Variants in CNOT7 observed in about 807,000 individuals in gnomAD.
CNOT7 encodes CCR4-NOT transcription complex subunit 7, also known as BTG1-binding factor 1.
CNOT7 carries 4 observed loss-of-function variants against 37.1 expected under a neutral mutation model. The ratio of observed to expected loss-of-function variants is 0.11; its 90% CI spans 0.05 to 0.25. The LOEUF (loss-of-function observed/expected upper bound fraction) is 0.25. Among genes scored for constraint, CNOT7 ranks in the 10% least tolerant of loss-of-function variants. The probability of loss-of-function intolerance (pLI) is 1.00; values close to 1 mark genes in which losing one functional copy is unlikely to be tolerated. For missense variants in CNOT7, 170 were observed against 336.2 expected, an observed-to-expected ratio of 0.51 and a Z score of 3.87; for synonymous variants, 128 against 115.6, an observed-to-expected ratio of 1.11 and a Z score of -0.69.
In CNOT7 at chr8:17,243,050, G is replaced by C; in HGVS notation, c.253C>G (p.Gln85Glu). The part of the protein sequence containing the change: ...IQLGLTFMNE[Q>E]GEYPPGTSTW... ...GAAGTTCCTGGAGGGTATTCTCCTT[G>C]CTCATTCATAAATGTCAGTCCTAGC... is the stretch of plus-strand genomic sequence containing the variant. Residue 85 changes from glutamine (Q) to glutamate (E), a missense_variant, in exon 3 of 7, where the codon CAA becomes GAA. Transcript: ENST00000361272. The C allele has an allele frequency of 1.9e-6, 3 of 1,607,866 alleles. No homozygotes were observed. The highest frequency in any genetic ancestry group is 2.2e-5 in the South Asian group (2 of 89,598).
At chr8:17,239,552 T>G (rs1161637421) in intron 3 of CNOT7, among the ~76,000 whole-genome samples, 1 of 152,130 alleles carries the variant, frequency 6.6e-6, no homozygotes, top group Non-Finnish European at 1.5e-5. Flanking sequence ...CTGGAGTCAG[T>G]GGCATCTCGG....
In CNOT7 at chr8:17,245,371, A is replaced by G. The variant is rs970415290; in HGVS notation, c.-95-124T>C. On this transcript the variant is annotated intron_variant, in intron 1 of 6. Transcript: ENST00000361272. ...TCTTGACTCATAAAAAAAAAAAATC[A>G]AAGTTTAGAAAGTAACTTAAGGTCA... is the stretch of plus-strand genomic sequence containing the variant. 13 of 420,468 alleles carry G rather than the reference A, an allele frequency of 3.1e-5. No individual in the cohort carries two copies. The Middle Eastern group carries it at 3.2e-3, about 104-fold the overall frequency. The allele number at this position is 420,468 out of a possible 1,614,324, so 26.0% of individuals were successfully genotyped here.
At position 17,225,510 on chromosome 8, in the gene CNOT7, A is replaced by G. The variant is rs1208181956; in HGVS notation, c.*5210T>C. The G allele has an allele frequency of 6.6e-6, 1 of 151,764 alleles. No individual in the cohort carries two copies. Among genetic ancestry groups the G allele is most frequent in the African/African-American group, 2.4e-5 (1 of 41,414 alleles). The allele number at this position is 151,764 out of a possible 1,614,324, so 9.4% of individuals were successfully genotyped here. A position where few individuals can be genotyped will look rare whatever the true frequency, so the allele number is the denominator to read the frequency against. On this transcript the variant is annotated 3_prime_UTR_variant, in exon 7 of 7. Transcript: ENST00000361272. ...TGGACTTCTAAAGAGAAATTGCTCA[A>G]TTGCTTTTATACTAAACGTTAAATG... is the stretch of plus-strand genomic sequence containing the variant.
intron 6 of CNOT7, chr8:17,231,586 T>C (rs1032902700): frequency 2.0e-6 from 2 of 985,166 alleles, no homozygotes; most frequent in African/African-American, 1.7e-5. Flanking sequence ...TCAGTCTCAA[T>C]TTAATGTCTA....
chr8:17,233,683 C>T (rs960004270), intron 5 of CNOT7, among the ~76,000 whole-genome samples: 1 of 152,122 alleles, frequency 6.6e-6, no homozygotes, highest in African/African-American at 2.4e-5. Context: ...GCAAGGGATA[C>T]CCTACTGCAA....
rs1764390027 is a variant in CNOT7, at chr8:17,230,456, T to C, written c.*264A>G. On this transcript the variant is annotated 3_prime_UTR_variant, in exon 7 of 7. Transcript: ENST00000361272. ...AAGTTTATCAAAATATTCAATGATG[T>C]AGCTTTCCCCACTCTCTGTCACACA... 1 of 235,974 alleles carries C rather than the reference T, an allele frequency of 4.2e-6. No homozygotes were observed. Among genetic ancestry groups the C allele is most frequent in the South Asian group, 1.7e-4 (1 of 5,746 alleles). The allele number at this position is 235,974 out of a possible 1,614,324, so 14.6% of individuals were successfully genotyped here.
At chr8:17,232,128 A>C in intron 6 of CNOT7, 1 of 1,057,906 alleles carries the variant, frequency 9.5e-7, no homozygotes, top group Non-Finnish European at 1.2e-6. Flanking sequence ...TAATCATGGA[A>C]GTTATTAGCC....
chr8:17,242,457 A>T (rs186873753), intron 3 of CNOT7: 1 of 152,338 alleles, frequency 6.6e-6, no homozygotes. Flanking sequence ...TATGATAAAC[A>T]CCAGGTTCAA....
intron 1 of CNOT7, 73 bp downstream of exon 1, chr8:17,246,602 A>C (rs1325656319): frequency 1.9e-5 from 3 of 155,114 alleles, no homozygotes; most frequent in African/African-American, 7.2e-5. Context: ...TCTCAGGTTC[A>C]TCGTCCCCGC....
In CNOT7 at chr8:17,234,920, A is replaced by C. The variant is rs945174408; in HGVS notation, c.474-60T>G. 23 of 1,498,458 alleles carry C rather than the reference A, an allele frequency of 1.5e-5. No individual in the cohort carries two copies. The East Asian group carries it at 5.4e-4, about 35-fold the overall frequency. 92.8% of individuals were successfully genotyped at this position (1,498,458 alleles called of 1,614,324 possible). On this transcript the variant is annotated intron_variant, in intron 4 of 6. Transcript: ENST00000361272. ...ATATAAATACTATAAAGATTAAAAA[A>C]AAAAGTTTTTCTGATTCAAATTTAA...
At chr8:17,244,823 T>C in intron 2 of CNOT7, 1 of 467,420 alleles carries the variant, frequency 2.1e-6, no homozygotes, top group Non-Finnish European at 3.8e-6. Flanking sequence ...TGAATTCCAG[T>C]GCGTTTTCCC....
At chr8:17,238,892 GC>G (rs771735333) in intron 3 of CNOT7, among the ~76,000 whole-genome samples, 1 of 152,106 alleles carries the variant, frequency 6.6e-6, no homozygotes, top group Non-Finnish European at 1.5e-5. Flanking sequence ...TTGCCTCATC[GC>G]CAAAGCTAAT....
At position 17,230,431 on chromosome 8, in the gene CNOT7, A is replaced by C. The variant is rs181307139; in HGVS notation, c.*289T>G. The C allele has an allele frequency of 3.2e-3, 631 of 196,586 alleles. 5 individuals are homozygous for C. The highest frequency in any genetic ancestry group is 0.014 in the African/African-American group (597 of 43,262). 12.2% of individuals were successfully genotyped at this position (196,586 alleles called of 1,614,324 possible). On this transcript the variant is annotated 3_prime_UTR_variant, in exon 7 of 7. Transcript: ENST00000361272. ...AAAATAAACCAAACTCAAGTCGGTA[A>C]AGTTTATCAAAATATTCAATGATGT...
intron 4 of CNOT7, among the ~76,000 whole-genome samples, chr8:17,236,585 C>T (rs1163038925): frequency 1.3e-5 from 2 of 152,102 alleles, no homozygotes; most frequent in Non-Finnish European, 2.9e-5. Context: ...GCTATTTCTT[C>T]TAAGGGATGC....
chr8:17,240,272 G>A (rs1316174314), intron 3 of CNOT7, among the ~76,000 whole-genome samples: 2 of 152,004 alleles, frequency 1.3e-5, no homozygotes, highest in Non-Finnish European at 2.9e-5. Context: ...CCAACCTGCA[G>A]CCAGTGGGCC....
chr8:17,245,803 A>T (rs951357021), intron 1 of CNOT7: 2 of 152,262 alleles, frequency 1.3e-5, no homozygotes, highest in African/African-American at 4.8e-5. Flanking sequence ...CAGTTGCAGA[A>T]CGGAAAAAGA....
Position 17,227,232 on chromosome 8 carries a change from T to C in CNOT7, c.*3488A>G, listed in dbSNP as rs1035960258. The C allele has an allele frequency of 1.5e-4, 23 of 151,914 alleles. No individual in the cohort carries two copies. Among genetic ancestry groups the C allele is most frequent in the Non-Finnish European group, 3.1e-4 (21 of 67,838 alleles). 9.4% of individuals were successfully genotyped at this position (151,914 alleles called of 1,614,324 possible). On this transcript the variant is annotated 3_prime_UTR_variant, in exon 7 of 7. Transcript: ENST00000361272. The stretch of plus-strand genomic sequence containing the variant: ...CTTCATGCATTTTTCCCAGCATCGG[T>C]TGCATCACATCTTAGTAGATTCCAC...
At chr8:17,242,771 A>G (rs1810362319) in intron 3 of CNOT7, 1 of 363,696 alleles carries the variant, frequency 2.7e-6, no homozygotes, top group Admixed American at 4.7e-5. Context: ...ATACAAAAAA[A>G]GCTGCAGTCA....
chr8:17,245,045 G>A lies in CNOT7; in HGVS notation c.108C>T (p.Tyr36=), dbSNP rs1457745399. 5.6e-6 allele frequency: 9 copies of A among 1,612,350 alleles called. No individual in the cohort carries two copies. Among genetic ancestry groups the A allele is most frequent in the Admixed American group, 1.7e-5 (1 of 59,912 alleles). Residue 36 remains tyrosine, a synonymous_variant, in exon 2 of 7, where the codon TAC becomes TAT. Coordinates refer to ENST00000361272, the MANE Select transcript of CNOT7 (RefSeq NM_013354.7). ...KIRQVIRKYN[Y]VAMDTEFPGV... ...CTGCTTGTGGGCATACCATAGCAAC[G>A]TAATTATATTTTCGGATAACTTGAC...
Sources: allele counts gnomAD v4.1 joint callset (sites outside exome capture counted in the v4.1 genomes callset), GRCh38; gene constraint gnomAD v4.1.1; transcripts MANE v1.5; gene names NCBI Gene and HGNC (gene_info 2026-07-23, HGNC 2026-07-21).